The following DNAJC24 variants were observed in gnomAD, a reference collection of about 807,000 sequenced individuals.
DNAJC24 encodes DnaJ heat shock protein family (Hsp40) member C24, also known as dnaJ homolog subfamily C member 24.
In DNAJC24, 17 loss-of-function variants were observed where a neutral mutation model predicts 18.0. The observed-to-expected ratio is 0.94, with a 90% CI of 0.65 to 1.42. The LOEUF is 1.42. DNAJC24 is among the 40% of genes most tolerant of loss of function. The pLI, the probability that DNAJC24 is intolerant of heterozygous loss-of-function variation, is 0.00. For synonymous variants in DNAJC24, 55 were observed against 57.7 expected (o/e 0.95, Z 0.21); for missense variants, 158 against 175.6 (o/e 0.90, Z 0.57).
At chr11:31,384,666 G>T (rs572298688) in intron 2 of DNAJC24, 1 of 152,352 alleles carries the variant, frequency 6.6e-6, no homozygotes, top group South Asian at 2.1e-4. Flanking sequence ...AGCATGTGAA[G>T]TGATTTGACC....
chr11:31,413,291 T>G (rs1416401492), intron 2 of DNAJC24, among the ~76,000 whole-genome samples: 1 of 150,604 alleles, frequency 6.6e-6, no homozygotes. Flanking sequence ...AATTAAAATA[T>G]AAAACTGTCA....
intron 2 of DNAJC24, among the ~76,000 whole-genome samples, chr11:31,380,123 G>A (rs1952361939): frequency 6.6e-6 from 1 of 152,102 alleles, no homozygotes; most frequent in Non-Finnish European, 1.5e-5. Flanking sequence ...CTAGCTGATA[G>A]GAAATCTATG....
At chr11:31,388,084 AT>A (rs1229747445) in intron 2 of DNAJC24, among the ~76,000 whole-genome samples, 1 of 152,134 alleles carries the variant, frequency 6.6e-6, no homozygotes, top group Non-Finnish European at 1.5e-5. Flanking sequence ...AGAAAAAAAA[AT>A]AAAAAAAGAA....
Position 31,393,696 on chromosome 11 carries a change from C to T in DNAJC24, c.112-21115C>T, listed in dbSNP as rs537159909. On this transcript the variant is annotated intron_variant, in intron 2 of 4. Transcript: ENST00000465995. ...TGTACCTTGATCTTGGACTTCACAG[C>T]CTCCAGAACTGTGAGCCAATAAATT... Among the ~76,000 whole-genome samples the T allele has an allele frequency of 8.5e-5, 13 of 152,216 alleles. No individual in the cohort carries two copies. The South Asian group carries it at 2.5e-3, about 29-fold the overall frequency.
At chr11:31,425,944 A>G (rs1286584521) in intron 3 of DNAJC24, among the ~76,000 whole-genome samples, 1 of 152,172 alleles carries the variant, frequency 6.6e-6, no homozygotes, top group African/African-American at 2.4e-5. Flanking sequence ...ACAAAAGACA[A>G]ACAAACAAAC....
rs565144281 is a variant in DNAJC24 at position 31,404,086 on chromosome 11, A to G, written c.112-10725A>G. ...GTCATGGCTCTGGTGGGAGTATAGC[A>G]GTGAGGATCACCAGAGGTCACTCTC... On this transcript the variant is annotated intron_variant, in intron 2 of 4. Coordinates refer to ENST00000465995, the MANE Select transcript of DNAJC24 (RefSeq NM_181706.5). 1.2e-4 allele frequency among the ~76,000 whole-genome samples: 18 copies of G among 152,250 alleles called. No homozygotes were observed. The South Asian group carries it at 3.1e-3, about 26-fold the overall frequency.
At position 31,383,993 on chromosome 11, in the gene DNAJC24, C is replaced by A. The variant is rs992740001; in HGVS notation, c.111+13134C>A. Among the ~76,000 whole-genome samples, 15 of 152,300 alleles carry A rather than the reference C, an allele frequency of 9.8e-5. No individual in the cohort carries two copies. The East Asian group carries it at 1.5e-3, about 16-fold the overall frequency. On this transcript the variant is annotated intron_variant, in intron 2 of 4. Coordinates refer to ENST00000465995, the MANE Select transcript of DNAJC24 (RefSeq NM_181706.5). ...CAGAATAGGCAAAATACTCTCAGGG[C>A]AAAAACACCTTCAGTTCTTTGTCTT...
Position 31,377,382 on chromosome 11 carries a change from G to A in DNAJC24, c.111+6523G>A, listed in dbSNP as rs889193536. ...GAATACTTTAAAGATACATATTTAC[G>A]TAAAGTGCAGAATTAGTTTTAAAGA... On this transcript the variant is annotated intron_variant, in intron 2 of 4. Transcript: ENST00000465995. Among the ~76,000 whole-genome samples the A allele has an allele frequency of 2.6e-5, 4 of 152,040 alleles. No individual in the cohort carries two copies. The South Asian group carries it at 6.2e-4, about 24-fold the overall frequency.
chr11:31,422,501 C>A (rs1319132876), intron 3 of DNAJC24, among the ~76,000 whole-genome samples: 1 of 152,166 alleles, frequency 6.6e-6, no homozygotes, highest in Non-Finnish European at 1.5e-5. Context: ...TTAAATCACT[C>A]TCTAAATCAG....
intron 2 of DNAJC24, among the ~76,000 whole-genome samples, chr11:31,376,140 C>T (rs1211736050): frequency 6.6e-6 from 1 of 152,180 alleles, no homozygotes; most frequent in Non-Finnish European, 1.5e-5. Context: ...GGGGTTTCCC[C>T]TTTCGCTTGG....
At chr11:31,421,189 G>C (rs747640054) in intron 3 of DNAJC24, among the ~76,000 whole-genome samples, 1 of 152,108 alleles carries the variant, frequency 6.6e-6, no homozygotes, top group Non-Finnish European at 1.5e-5. Flanking sequence ...GCATGTTAAA[G>C]ACAAGGAAAC....
At chr11:31,414,212 G>C (rs940346513) in intron 2 of DNAJC24, among the ~76,000 whole-genome samples, 18 of 152,252 alleles carry the variant, frequency 1.2e-4, no homozygotes, top group Admixed American at 7.8e-4. Context: ...ATTCTTTAAA[G>C]TTATTTCTTA....
At chr11:31,429,157 A>C (rs1246861147) in intron 4 of DNAJC24, among the ~76,000 whole-genome samples, 1 of 151,998 alleles carries the variant, frequency 6.6e-6, no homozygotes, top group Admixed American at 6.6e-5. Flanking sequence ...TTCTGTATGG[A>C]GAGCAAAGGC....
chr11:31,426,267 TCA>T lies in DNAJC24; in HGVS notation c.251-19_251-18del. ...AAGTATCATGTTTTACAATTAAGTG[TCA>T]TGTTTTATGTTTTACAGAAGATGAT... is the stretch of plus-strand genomic sequence containing the variant. On this transcript the variant is annotated intron_variant, in intron 3 of 4. Coordinates refer to ENST00000465995, the MANE Select transcript of DNAJC24 (RefSeq NM_181706.5). 6.9e-7 allele frequency: 1 copy of T among 1,452,326 alleles called. No homozygotes were observed. The highest frequency in any genetic ancestry group is 9.5e-7 in the Non-Finnish European group (1 of 1,057,644). 90.0% of individuals were successfully genotyped at this position (1,452,326 alleles called of 1,614,324 possible). A position where few individuals can be genotyped will look rare whatever the true frequency, so the allele number is the denominator to read the frequency against.
chr11:31,397,984 G>A (rs574004650), intron 2 of DNAJC24, among the ~76,000 whole-genome samples: 23 of 152,074 alleles, frequency 1.5e-4, no homozygotes, highest in Admixed American at 1.0e-3. Flanking sequence ...TGTATTCTCA[G>A]TAGAGATGGG....
chr11:31,386,817 G>C (rs974487976), intron 2 of DNAJC24, among the ~76,000 whole-genome samples: 17 of 152,082 alleles, frequency 1.1e-4, no homozygotes, highest in Non-Finnish European at 2.1e-4. Flanking sequence ...TCCAGACTGT[G>C]GCTCCTGAAC....
At chr11:31,377,150 C>A (rs1440258158) in intron 2 of DNAJC24, among the ~76,000 whole-genome samples, 2 of 152,076 alleles carry the variant, frequency 1.3e-5, no homozygotes, top group African/African-American at 4.8e-5. Context: ...ACACGTATTA[C>A]ATGTAATTTT....
chr11:31,411,622 C>A (rs1952710876), intron 2 of DNAJC24, among the ~76,000 whole-genome samples: 1 of 152,158 alleles, frequency 6.6e-6, no homozygotes, highest in Non-Finnish European at 1.5e-5. Flanking sequence ...CATTTCAGAT[C>A]TCTCTCTCTC....
chr11:31,370,542 A>T (rs994236004), intron 1 of DNAJC24, among the ~76,000 whole-genome samples, 174 bp from the exon 2 acceptor site: 2 of 152,148 alleles, frequency 1.3e-5, no homozygotes, highest in African/African-American at 4.8e-5. Context: ...ACTTGTCGGT[A>T]CACTTATACC....
Sources: gnomAD v4.1 joint callset for allele counts (sites outside exome capture counted in the v4.1 genomes callset) on GRCh38, gnomAD v4.1.1 for gene constraint, MANE v1.5 for transcripts, NCBI Gene and HGNC (gene_info 2026-07-23, HGNC 2026-07-21) for gene names.